SP4: variants seen among roughly 807,000 people sequenced by gnomAD.
The protein encoded by SP4 is transcription factor Sp4.
In SP4, 19 loss-of-function variants were observed where a neutral mutation model predicts 72.8. The observed-to-expected ratio is 0.26, with a 90% CI of 0.18 to 0.38. SP4 has a LOEUF of 0.38. SP4 is among the 10% of genes least tolerant of loss of function. SP4 has a pLI of 1.00. For missense variants in SP4, 1,008 were observed against 926.3 expected, an observed-to-expected ratio of 1.09 and a Z score of -1.14; for synonymous variants, 395 against 333.1, an observed-to-expected ratio of 1.19 and a Z score of -2.02.
At chr7:21,439,085 G>A (rs1475511679) in intron 3 of SP4, among the ~76,000 whole-genome samples, 2 of 152,196 alleles carry the variant, frequency 1.3e-5, no homozygotes, top group African/African-American at 2.4e-5. Context: ...GGGATCCAGT[G>A]GGGGTCTTGG....
In SP4 at chr7:21,448,054, C is replaced by T. The variant is rs185923007; in HGVS notation, c.1678+17211C>T. Among the ~76,000 whole-genome samples, 8 of 152,124 alleles carry T rather than the reference C, an allele frequency of 5.3e-5. No individual in the cohort carries two copies. The East Asian group carries it at 7.7e-4, about 15-fold the overall frequency. On this transcript the variant is annotated intron_variant, in intron 3 of 5. Coordinates refer to ENST00000222584, the MANE Select transcript of SP4 (RefSeq NM_003112.5). ...AGGATGCATTTACAGAATGACCCCCCGTGAAGAATTTTTTGAATTAAATAA... is the reference window on the plus strand; with the variant it reads ...AGGATGCATTTACAGAATGACCCCCTGTGAAGAATTTTTTGAATTAAATAA...
Position 21,481,911 on chromosome 7 carries a change from T to G in SP4, c.1908-13T>G. The G allele has an allele frequency of 1.2e-6, 2 of 1,602,224 alleles. No homozygotes were observed. Among genetic ancestry groups the G allele is most frequent in the Non-Finnish European group, 8.6e-7 (1 of 1,169,468 alleles). On this transcript the variant is annotated splice_polypyrimidine_tract_variant and intron_variant, in intron 4 of 5. Coordinates refer to ENST00000222584, the MANE Select transcript of SP4 (RefSeq NM_003112.5). ...TGGCAGTGTAATTAATGTTCGGTTTTTGTTTTTGCTAGAGGCAGTAATGAA... is the reference window on the plus strand; with the variant it reads ...TGGCAGTGTAATTAATGTTCGGTTTGTGTTTTTGCTAGAGGCAGTAATGAA...
chr7:21,502,040 A>T (rs71526375), intron 5 of SP4, among the ~76,000 whole-genome samples: 1 of 72,276 alleles, frequency 1.4e-5, no homozygotes, highest in Non-Finnish European at 2.4e-5. Flanking sequence ...TTCATTAGGC[A>T]CCCCCCCCCC....
At chr7:21,448,933 T>TA (rs1470867271) in intron 3 of SP4, among the ~76,000 whole-genome samples, 1 of 152,214 alleles carries the variant, frequency 6.6e-6, no homozygotes, top group East Asian at 1.9e-4. Flanking sequence ...TTTTATGTAT[T>TA]ATGCTTTGAC....
At chr7:21,477,878 A>G (rs1381516281) in intron 4 of SP4, among the ~76,000 whole-genome samples, 4 of 152,070 alleles carry the variant, frequency 2.6e-5, no homozygotes, top group African/African-American at 9.7e-5. Flanking sequence ...ACGTAACTTT[A>G]TTGATATAAA....
At position 21,462,061 on chromosome 7, in the gene SP4, C is replaced by T. The variant is rs1047575691; in HGVS notation, c.1679-15018C>T. Among the ~76,000 whole-genome samples the T allele has an allele frequency of 3.5e-5, 5 of 141,852 alleles. No individual in the cohort carries two copies. The East Asian group carries it at 8.3e-4, about 24-fold the overall frequency. The allele number at this position is 141,852 out of a possible 152,430, so 93.1% of individuals were successfully genotyped here. A position where few individuals can be genotyped will look rare whatever the true frequency, so the allele number is the denominator to read the frequency against. ...TTTTTTTTTTGAAGACAGGATCTCACTCTGTTACCCAGGCAGTGCAGTGGT... is the reference window on the plus strand; with the variant it reads ...TTTTTTTTTTGAAGACAGGATCTCATTCTGTTACCCAGGCAGTGCAGTGGT... On this transcript the variant is annotated intron_variant, in intron 3 of 5. Transcript: ENST00000222584.
At chr7:21,471,283 T>C (rs1424449064) in intron 3 of SP4, 1 of 350,410 alleles carries the variant, frequency 2.9e-6, no homozygotes, top group Non-Finnish European at 5.8e-6. Context: ...AATATGAATA[T>C]TAGAAGGGGC....
chr7:21,473,633 G>A (rs866470351), intron 3 of SP4, among the ~76,000 whole-genome samples: 2 of 152,292 alleles, frequency 1.3e-5, no homozygotes, highest in Admixed American at 6.5e-5. Context: ...TTTTAGATGG[G>A]ATGGTCAGGA....
In SP4 at chr7:21,429,888, G is replaced by A; in HGVS notation, c.723G>A (p.Leu241=). 6.2e-7 allele frequency: 1 copy of A among 1,613,974 alleles called. No homozygotes were observed. The highest frequency in any genetic ancestry group is 8.5e-7 in the Non-Finnish European group (1 of 1,179,864). Residue 241 remains leucine (L), a synonymous_variant, in exon 3 of 6, where the codon CTG becomes CTA. Transcript: ENST00000222584. ...VQIRPGVSIP[L]QLQTLPGTQA... ...TTAGACCTGGTGTTTCAATACCACTGCAGTTACAGACTCTTCCTGGTACTC... is the reference window on the plus strand; with the variant it reads ...TTAGACCTGGTGTTTCAATACCACTACAGTTACAGACTCTTCCTGGTACTC...
chr7:21,443,707 C>G (rs1289807533), intron 3 of SP4, among the ~76,000 whole-genome samples: 1 of 152,056 alleles, frequency 6.6e-6, no homozygotes, highest in African/African-American at 2.4e-5. Flanking sequence ...TTGCTCTGGT[C>G]TAGTTGGGGA....
chr7:21,466,686 A>T (rs1291570221), intron 3 of SP4, among the ~76,000 whole-genome samples: 2 of 152,218 alleles, frequency 1.3e-5, no homozygotes, highest in Non-Finnish European at 2.9e-5. Context: ...TTATTTCTTA[A>T]TATTTTCATT....
chr7:21,450,356 GTTTT>G (rs1427177551), intron 3 of SP4, among the ~76,000 whole-genome samples: 1 of 152,024 alleles, frequency 6.6e-6, no homozygotes, highest in Non-Finnish European at 1.5e-5. Flanking sequence ...AGTGATTTTT[GTTTT>G]TTTAATTTTA....
intron 4 of SP4, among the ~76,000 whole-genome samples, chr7:21,480,160 T>A (rs1784642525): frequency 6.6e-6 from 1 of 152,158 alleles, no homozygotes; most frequent in African/African-American, 2.4e-5. Flanking sequence ...ATGTTGACAG[T>A]GTGCTTGTAT....
chr7:21,482,329 G>T (rs971518792), intron 5 of SP4, among the ~76,000 whole-genome samples: 1 of 152,136 alleles, frequency 6.6e-6, no homozygotes, highest in Admixed American at 6.5e-5. Context: ...AACTTTATCA[G>T]CATATTTATG....
intron 5 of SP4, among the ~76,000 whole-genome samples, chr7:21,491,556 G>A (rs1275939585): frequency 2.0e-5 from 3 of 152,104 alleles, no homozygotes; most frequent in Non-Finnish European, 2.9e-5. Flanking sequence ...CAGGAAGTTC[G>A]TTGAATCCCA....
chr7:21,475,943 A>G (rs1293381212), intron 3 of SP4, among the ~76,000 whole-genome samples: 3 of 152,132 alleles, frequency 2.0e-5, no homozygotes, highest in Non-Finnish European at 4.4e-5. Context: ...CCTGATGGAG[A>G]GAATGTAGAA....
chr7:21,509,760 T>C (rs1782096247), intron 5 of SP4, among the ~76,000 whole-genome samples: 1 of 152,234 alleles, frequency 6.6e-6, no homozygotes, highest in African/African-American at 2.4e-5. Flanking sequence ...ATTTTTTTTA[T>C]TGGTAAGTCA....
chr7:21,462,050 A>G (rs868562497), intron 3 of SP4, among the ~76,000 whole-genome samples: 15 of 139,818 alleles, frequency 1.1e-4, no homozygotes, highest in Middle Eastern at 3.8e-3. Flanking sequence ...TTTTTTGAAG[A>G]CAGGATCTCA....
intron 3 of SP4, among the ~76,000 whole-genome samples, chr7:21,436,914 T>C (rs1783067215): frequency 6.6e-6 from 1 of 152,212 alleles, no homozygotes; most frequent in Non-Finnish European, 1.5e-5. Flanking sequence ...AAAGGTTAAA[T>C]GACCCTCTTA....
Sources: gnomAD v4.1 joint callset for allele counts (sites outside exome capture counted in the v4.1 genomes callset) on GRCh38, gnomAD v4.1.1 for gene constraint, MANE v1.5 for transcripts, NCBI Gene and HGNC (gene_info 2026-07-23, HGNC 2026-07-21) for gene names.